Variants in SOX5 observed in about 807,000 individuals in gnomAD.
SOX5 encodes SRY-box transcription factor 5, also known as transcription factor SOX-5.
Under a neutral mutation model 92.0 loss-of-function variants are expected in SOX5, and 9 were observed. The observed-to-expected ratio is 0.10, with a 90% CI of 0.06 to 0.17. The LOEUF (loss-of-function observed/expected upper bound fraction) is 0.17. Among genes scored for constraint, SOX5 ranks in the 10% least tolerant of loss-of-function variants. The pLI is 1.00. For synonymous variants in SOX5, 344 were observed against 336.3 expected, an observed-to-expected ratio of 1.02 and a Z score of -0.25; for missense variants, 642 against 944.5, an observed-to-expected ratio of 0.68 and a Z score of 4.20.
chr12:24,212,386 A>G (rs1289858406), intron 4 of SOX5: 1 of 532,966 alleles, frequency 1.9e-6, no homozygotes, highest in Non-Finnish European at 3.9e-6. Flanking sequence ...AAAGACATTT[A>G]TCTCTCTGTA....
intron 8 of SOX5, among the ~76,000 whole-genome samples, chr12:23,623,327 C>T (rs995486220): frequency 1.3e-5 from 2 of 152,026 alleles, no homozygotes. Flanking sequence ...TTTTTATTAG[C>T]AAATTTTAAT....
At chr12:24,368,197 GA>G (rs2136234609) in intron 2 of SOX5, 1 of 152,296 alleles carries the variant, frequency 6.6e-6, no homozygotes, top group African/African-American at 2.4e-5. Flanking sequence ...TTTTATGTGT[GA>G]AGAAGAAATG....
chr12:23,588,974 T>C (rs1201545400), intron 9 of SOX5, among the ~76,000 whole-genome samples: 1 of 151,968 alleles, frequency 6.6e-6, no homozygotes, highest in Admixed American at 6.6e-5. Context: ...TAATAGGCTG[T>C]ATCATGTAAC....
chr12:24,397,770 T>C (rs1011019323), intron 1 of SOX5, among the ~76,000 whole-genome samples: 1 of 152,078 alleles, frequency 6.6e-6, no homozygotes, highest in African/African-American at 2.4e-5. Flanking sequence ...CACAACTCTT[T>C]AATGCTTTTT....
At chr12:24,024,634 T>C (rs765356885) in intron 4 of SOX5, among the ~76,000 whole-genome samples, 1 of 152,050 alleles carries the variant, frequency 6.6e-6, no homozygotes, top group Non-Finnish European at 1.5e-5. Flanking sequence ...TTTCTAAATA[T>C]GTGTAATAAT....
At chr12:24,037,993 T>G (rs1176250953) in intron 4 of SOX5, among the ~76,000 whole-genome samples, 1 of 152,178 alleles carries the variant, frequency 6.6e-6, no homozygotes, top group Non-Finnish European at 1.5e-5. Flanking sequence ...ATTTTTAGGT[T>G]GCTTTCTGAA....
intron 4 of SOX5, among the ~76,000 whole-genome samples, chr12:24,077,733 A>G (rs997353337): frequency 6.8e-6 from 1 of 147,094 alleles, no homozygotes; most frequent in Non-Finnish European, 1.5e-5. Flanking sequence ...AGAAATTACT[A>G]ATTTATACAA....
intron 2 of SOX5, among the ~76,000 whole-genome samples, chr12:24,288,766 C>T (rs534535382): frequency 6.6e-6 from 1 of 151,370 alleles, no homozygotes; most frequent in South Asian, 2.1e-4. Flanking sequence ...AAAAAAAAAA[C>T]GTGGTGAGGA....
intron 1 of SOX5, among the ~76,000 whole-genome samples, chr12:23,925,830 T>C (rs1231118697): frequency 6.6e-6 from 1 of 152,134 alleles, no homozygotes; most frequent in African/African-American, 2.4e-5. Flanking sequence ...GACAATGTTA[T>C]GAATAATATT....
At chr12:24,041,472 G>GA (rs1438744140) in intron 4 of SOX5, among the ~76,000 whole-genome samples, 2 of 152,006 alleles carry the variant, frequency 1.3e-5, no homozygotes, top group Non-Finnish European at 2.9e-5. Flanking sequence ...ATTTCATGAA[G>GA]AAAAAAGCAT....
At chr12:24,140,151 A>G (rs893053583) in intron 4 of SOX5, among the ~76,000 whole-genome samples, 2 of 152,216 alleles carry the variant, frequency 1.3e-5, no homozygotes, top group Non-Finnish European at 2.9e-5. Context: ...AAAAGTCCAA[A>G]GTAATGGATT....
chr12:23,774,387 T>A (rs1259392871), intron 3 of SOX5, among the ~76,000 whole-genome samples: 3 of 152,204 alleles, frequency 2.0e-5, no homozygotes, highest in Non-Finnish European at 4.4e-5. Flanking sequence ...CTAGCCAGAA[T>A]ATTTATCTAA....
At chr12:24,161,670 T>G (rs1249690887) in intron 4 of SOX5, among the ~76,000 whole-genome samples, 1 of 152,030 alleles carries the variant, frequency 6.6e-6, no homozygotes, top group African/African-American at 2.4e-5. Context: ...CTAATAACAT[T>G]TTCTTAAAGT....
chr12:23,537,681 T>C (rs562167690), intron 13 of SOX5, among the ~76,000 whole-genome samples: 1 of 152,324 alleles, frequency 6.6e-6, no homozygotes, highest in East Asian at 1.9e-4. Context: ...AAAGACAAGT[T>C]TGAAGCTTAA....
In SOX5 at chr12:23,602,559, G is replaced by A. The variant is rs73273900; in HGVS notation, c.1164+1828C>T. On this transcript the variant is annotated intron_variant, in intron 9 of 14. Coordinates refer to ENST00000451604, the MANE Select transcript of SOX5 (RefSeq NM_006940.6). ...GAATGTAGGTGTAAGAAAAAAATCC[G>A]TCAGCCATTTAAAAGTGAGCTACAT... Among the ~76,000 whole-genome samples the A allele has an allele frequency of 3.9e-3, 599 of 152,072 alleles. 7 individuals are homozygous for A. Among genetic ancestry groups the A allele is most frequent in the African/African-American group, 0.013 (537 of 41,526 alleles).
rs558047215 is a variant in SOX5, at chr12:24,010,878, G to A, written c.-1-114854C>T. 2.6e-5 allele frequency among the ~76,000 whole-genome samples: 4 copies of A among 151,980 alleles called. No individual in the cohort carries two copies. In the South Asian group the frequency reaches 6.2e-4, roughly 24 times the overall value. ...TGCTTGAACCTGGGAGGCAGACGCT[G>A]CAGTGAGCCGAGATCATGCCACTGC... On this transcript the variant is annotated intron_variant, in intron 4 of 4. Coordinates refer to the SOX5 transcript ENST00000446891.
chr12:23,765,384 G>GAA (rs1240381243), intron 3 of SOX5, among the ~76,000 whole-genome samples: 1 of 2,174 alleles, frequency 4.6e-4, no homozygotes, highest in Non-Finnish European at 8.1e-3. Context: ...GTGTAAAACA[G>GAA]CAAAAAAAAA....
chr12:23,829,975 G>C (rs1043478758), intron 3 of SOX5, among the ~76,000 whole-genome samples: 3 of 152,092 alleles, frequency 2.0e-5, no homozygotes, highest in South Asian at 4.1e-4. Context: ...TATATAAAAA[G>C]ATTACCAAGC....
chr12:24,159,303 T>G (rs1952515614), intron 4 of SOX5, among the ~76,000 whole-genome samples: 1 of 152,000 alleles, frequency 6.6e-6, no homozygotes, highest in African/African-American at 2.4e-5. Flanking sequence ...ACAAGGTCCC[T>G]GCTTCTCTTC....
Sources: gnomAD v4.1 joint callset for allele counts (sites outside exome capture counted in the v4.1 genomes callset) on GRCh38, gnomAD v4.1.1 for gene constraint, MANE v1.5 for transcripts, NCBI Gene and HGNC (gene_info 2026-07-23, HGNC 2026-07-21) for gene names.